Variants in CLASP1 observed in about 807,000 individuals in gnomAD.
CLASP1 encodes CLIP-associating protein 1.
CLASP1 carries 38 observed loss-of-function variants against 192.3 expected under a neutral mutation model. The observed-to-expected ratio is 0.20, with a 90% CI of 0.15 to 0.26. CLASP1 has a LOEUF of 0.26. Among genes scored for constraint, CLASP1 ranks in the 10% least tolerant of loss-of-function variants. CLASP1 has a pLI of 1.00. For missense variants in CLASP1, 1,433 were observed against 1,932.5 expected (o/e 0.74, Z 4.85); for synonymous variants, 691 against 712.8 (o/e 0.97, Z 0.49).
At chr2:121,407,424 C>A (rs116866040) in intron 25 of CLASP1, 47 bp downstream of exon 26, 4 of 1,606,808 alleles carry the variant, frequency 2.5e-6, no homozygotes, top group Non-Finnish European at 3.4e-6. Flanking sequence ...CCTGAAGAGT[C>A]CAACAGGAGA....
At chr2:121,639,728 T>C (rs1289786136) in intron 1 of CLASP1, among the ~76,000 whole-genome samples, 1 of 151,808 alleles carries the variant, frequency 6.6e-6, no homozygotes, top group Non-Finnish European at 1.5e-5. Context: ...CCAGGCATGG[T>C]GGCGCATGCC....
chr2:121,590,448 A>C (rs546355016), intron 2 of CLASP1, among the ~76,000 whole-genome samples: 1 of 152,250 alleles, frequency 6.6e-6, no homozygotes, highest in African/African-American at 2.4e-5. Flanking sequence ...AAATCATCTT[A>C]TAAGTGATAT....
At chr2:121,383,440 G>A (rs769502612) in intron 32 of CLASP1, among the ~76,000 whole-genome samples, 1 of 152,320 alleles carries the variant, frequency 6.6e-6, no homozygotes, top group South Asian at 2.1e-4. Flanking sequence ...GGGCATAGGA[G>A]GGATGCAGGT....
chr2:121,362,987 C>T (rs1211960559), intron 37 of CLASP1, among the ~76,000 whole-genome samples, 185 bp downstream of exon 38: 2 of 152,216 alleles, frequency 1.3e-5, no homozygotes, highest in Non-Finnish European at 2.9e-5. Context: ...TGGCATTGGC[C>T]CTGGAACTAT....
At chr2:121,587,079 A>G (rs1348573963) in intron 2 of CLASP1, among the ~76,000 whole-genome samples, 3 of 152,140 alleles carry the variant, frequency 2.0e-5, no homozygotes, top group Non-Finnish European at 2.9e-5. Flanking sequence ...TGTCTCAACT[A>G]AAAATATAAA....
At chr2:121,449,008 T>C (rs1349765979) in exon 17 of CLASP1, 1 of 1,613,964 alleles carries the variant, frequency 6.2e-7, no homozygotes, top group East Asian at 2.2e-5. Context: ...AGAGACACTA[T>C]GCTGTCTGAG....
At chr2:121,437,160 G>A (rs1360746490) in intron 19 of CLASP1, among the ~76,000 whole-genome samples, 1 of 151,722 alleles carries the variant, frequency 6.6e-6, no homozygotes, top group African/African-American at 2.4e-5. Flanking sequence ...GTAGAGATGG[G>A]GTCTCACTAT....
At chr2:121,347,343 T>A (rs1357969509) in intron 38 of CLASP1, among the ~76,000 whole-genome samples, 189 bp from the exon 40 acceptor site, 1 of 152,120 alleles carries the variant, frequency 6.6e-6, no homozygotes, top group Non-Finnish European at 1.5e-5. Context: ...CAACTTAGCA[T>A]CAAGAGAAAC....
At chr2:121,550,631 G>A (rs561255272) in intron 2 of CLASP1, among the ~76,000 whole-genome samples, 1 of 152,184 alleles carries the variant, frequency 6.6e-6, no homozygotes, top group African/African-American at 2.4e-5. Flanking sequence ...ACACAAACTA[G>A]AAAGCCTGGA....
chr2:121,544,300 C>CA (rs1453137283), intron 2 of CLASP1, among the ~76,000 whole-genome samples: 1 of 152,104 alleles, frequency 6.6e-6, no homozygotes, highest in African/African-American at 2.4e-5. Flanking sequence ...ACAGAGGCAC[C>CA]ATGAGAGACA....
intron 8 of CLASP1, among the ~76,000 whole-genome samples, chr2:121,499,409 G>A (rs1162420778): frequency 1.3e-5 from 2 of 152,098 alleles, no homozygotes; most frequent in Admixed American, 6.5e-5. Flanking sequence ...AGAAACTGGG[G>A]GGAGAGGGGA....
chr2:121,540,531 G>A (rs550480367), intron 2 of CLASP1, among the ~76,000 whole-genome samples: 1 of 152,170 alleles, frequency 6.6e-6, no homozygotes, highest in South Asian at 2.1e-4. Flanking sequence ...GTTCACACCT[G>A]TAATCTCAGC....
intron 2 of CLASP1, among the ~76,000 whole-genome samples, chr2:121,540,816 T>A (rs539501116): frequency 1.3e-5 from 2 of 148,316 alleles, no homozygotes; most frequent in Non-Finnish European, 3.0e-5. Flanking sequence ...TAAACTGTAA[T>A]GTTAAGGTGC....
rs367782613 is a variant in CLASP1 at position 121,571,238 on chromosome 2, T to C, written c.195+34463A>G. On this transcript the variant is annotated intron_variant, in intron 2 of 39. Transcript: ENST00000263710. ...TCACCCAGGCTGGAGTACAGTAGTG[T>C]GATCTTGGCTCACCACAATCTCTGC... 2.2e-3 allele frequency among the ~76,000 whole-genome samples: 329 copies of C among 152,174 alleles called. 1 individual carries two copies. The highest frequency in any genetic ancestry group is 7.5e-3 in the African/African-American group (313 of 41,518).
At chr2:121,430,142 C>T in exon 20 of CLASP1, 1 of 1,575,428 alleles carries the variant, frequency 6.3e-7, no homozygotes, top group East Asian at 2.3e-5. Flanking sequence ...ACGTTGGTGG[C>T]ACTCCCAGAG....
chr2:121,409,794 T>C (rs954183560), intron 24 of CLASP1, among the ~76,000 whole-genome samples: 1 of 152,178 alleles, frequency 6.6e-6, no homozygotes, highest in South Asian at 2.1e-4. Context: ...CCTAAAGCCA[T>C]GGTTAGAGCA....
At chr2:121,480,313 T>A (rs1484573937) in intron 8 of CLASP1, among the ~76,000 whole-genome samples, 1 of 152,218 alleles carries the variant, frequency 6.6e-6, no homozygotes, top group Non-Finnish European at 1.5e-5. Context: ...TAAGGCACTG[T>A]AGGAGCTCAA....
intron 34 of CLASP1, among the ~76,000 whole-genome samples, chr2:121,369,232 T>A (rs1374634320): frequency 6.6e-6 from 1 of 152,200 alleles, no homozygotes; most frequent in Non-Finnish European, 1.5e-5. Flanking sequence ...TGGACTTGAA[T>A]CTAGTGGAGG....
At chr2:121,422,489 T>C (rs185542863) in intron 22 of CLASP1, among the ~76,000 whole-genome samples, 3 of 152,334 alleles carry the variant, frequency 2.0e-5, no homozygotes, top group East Asian at 1.9e-4. Flanking sequence ...TTCCAAAATA[T>C]AATCACTATA....
Sources: gnomAD v4.1 joint callset for allele counts (sites outside exome capture counted in the v4.1 genomes callset) on GRCh38, gnomAD v4.1.1 for gene constraint, MANE v1.5 for transcripts, NCBI Gene and HGNC (gene_info 2026-07-23, HGNC 2026-07-21) for gene names.